The following SSH2 variants were observed in gnomAD, a reference collection of about 807,000 sequenced individuals.
SSH2 encodes the protein protein phosphatase Slingshot homolog 2.
SSH2 carries 37 observed loss-of-function variants against 135.2 expected under a neutral mutation model. That is an observed-to-expected ratio of 0.27 (90% CI 0.21 to 0.36). SSH2 has a LOEUF of 0.36. SSH2 is among the 10% of genes least tolerant of loss of function. SSH2 has a pLI of 1.00. For synonymous variants in SSH2, 628 were observed against 646.2 expected, an observed-to-expected ratio of 0.97 and a Z score of 0.43; for missense variants, 1,408 against 1,765.3, an observed-to-expected ratio of 0.80 and a Z score of 3.63.
chr17:29,870,093 A>G (rs896281849), intron 1 of SSH2, among the ~76,000 whole-genome samples: 4 of 152,030 alleles, frequency 2.6e-5, no homozygotes, highest in African/African-American at 9.7e-5. Context: ...CTAGGAATTG[A>G]TTATAATTAT....
intron 1 of SSH2, among the ~76,000 whole-genome samples, chr17:29,927,367 C>T (rs935407175): frequency 1.3e-5 from 2 of 152,160 alleles, no homozygotes; most frequent in Non-Finnish European, 2.9e-5. Flanking sequence ...ATTTCCTATA[C>T]ATCTTAGTAT....
At chr17:29,897,707 T>C (rs193030381) in intron 1 of SSH2, among the ~76,000 whole-genome samples, 1 of 152,000 alleles carries the variant, frequency 6.6e-6, no homozygotes, top group Non-Finnish European at 1.5e-5. Flanking sequence ...CTGTCAACAT[T>C]AGACAGATCA....
intron 2 of SSH2, among the ~76,000 whole-genome samples, chr17:29,841,676 A>C (rs2043043051): frequency 6.6e-6 from 1 of 152,166 alleles, no homozygotes; most frequent in African/African-American, 2.4e-5. Flanking sequence ...TTAGATTTCT[A>C]ATATGGAGGT....
intron 3 of SSH2, among the ~76,000 whole-genome samples, chr17:29,728,150 A>G (rs891919721): frequency 6.6e-6 from 1 of 152,232 alleles, no homozygotes; most frequent in African/African-American, 2.4e-5. Context: ...CTCACATTTG[A>G]AAAAAACCTA....
At chr17:29,857,775 C>A (rs2065689391) in intron 1 of SSH2, among the ~76,000 whole-genome samples, 1 of 152,242 alleles carries the variant, frequency 6.6e-6, no homozygotes, top group South Asian at 2.1e-4. Flanking sequence ...TCACACCCGG[C>A]CCCATCTTAA....
At chr17:29,761,350 T>C (rs2041294506) in intron 3 of SSH2, 9 of 1,077,334 alleles carry the variant, frequency 8.4e-6, no homozygotes, top group Non-Finnish European at 9.1e-6. Context: ...AGGCTGCGCG[T>C]GCACCCGGCG....
rs561748500 is a variant in SSH2, at chr17:29,693,085, G to A, written c.357+2374C>T. On this transcript the variant is annotated intron_variant, in intron 5 of 15. Transcript: ENST00000540801. ...AGCAATACTCCCACTGCAGCCTCCC[G>A]AGTAGCTGGCATGCCACTATGCCCA... Among the ~76,000 whole-genome samples the A allele has an allele frequency of 4.6e-5, 7 of 152,128 alleles. No individual in the cohort carries two copies. In the South Asian group the frequency reaches 1.0e-3, roughly 23 times the overall value.
At chr17:29,722,502 A>G (rs567800293) in intron 3 of SSH2, among the ~76,000 whole-genome samples, 1 of 152,306 alleles carries the variant, frequency 6.6e-6, no homozygotes, top group African/African-American at 2.4e-5. Flanking sequence ...ACCAAAAGAT[A>G]ATGCCAGGAG....
intron 2 of SSH2, among the ~76,000 whole-genome samples, chr17:29,835,837 A>G (rs934981003): frequency 1.3e-5 from 2 of 151,686 alleles, no homozygotes; most frequent in Non-Finnish European, 2.9e-5. Flanking sequence ...AAAATTAGCT[A>G]GGCGTGGTGG....
At chr17:29,695,420 C>T in intron 5 of SSH2, 39 bp downstream of exon 5, 1 of 1,576,348 alleles carries the variant, frequency 6.3e-7, no homozygotes, top group Non-Finnish European at 8.7e-7. Flanking sequence ...CTTAGATAGT[C>T]TTTTGAGGAA....
At chr17:29,640,401 C>T (rs534617378) in intron 14 of SSH2, among the ~76,000 whole-genome samples, 98 of 152,224 alleles carry the variant, frequency 6.4e-4, no homozygotes, top group African/African-American at 2.2e-3. Flanking sequence ...TTTTAAACTG[C>T]CTGCAGATCA....
At chr17:29,750,510 T>G (rs1363412891) in intron 3 of SSH2, among the ~76,000 whole-genome samples, 2 of 151,036 alleles carry the variant, frequency 1.3e-5, no homozygotes, top group Non-Finnish European at 3.0e-5. Flanking sequence ...TATACAAAAA[T>G]ATTTTCTTTA....
At chr17:29,800,862 C>CTT (rs917782999) in intron 2 of SSH2, among the ~76,000 whole-genome samples, 22 of 142,002 alleles carry the variant, frequency 1.5e-4, no homozygotes, top group African/African-American at 5.7e-4. Context: ...GTCTTTTTTT[C>CTT]TTTTTTTTTT....
intron 3 of SSH2, chr17:29,761,374 C>G (rs966940062): frequency 2.4e-5 from 26 of 1,065,076 alleles, no homozygotes; most frequent in Non-Finnish European, 2.9e-5. Flanking sequence ...GAGGCGGGCC[C>G]GCCGGGTCGC....
At chr17:29,892,639 A>G (rs2066371700) in intron 1 of SSH2, among the ~76,000 whole-genome samples, 2 of 152,210 alleles carry the variant, frequency 1.3e-5, no homozygotes, top group South Asian at 4.1e-4. Context: ...TTTTTTGTAA[A>G]TTAAAATAAA....
chr17:29,696,673 G>T (rs1193612993), intron 4 of SSH2, among the ~76,000 whole-genome samples: 1 of 88,892 alleles, frequency 1.1e-5, no homozygotes, highest in Non-Finnish European at 2.2e-5. Context: ...ATATACGTAC[G>T]TGTGTGTGTG....
chr17:29,655,748 T>C (rs903979906), intron 11 of SSH2, 141 bp from the exon 12 acceptor site: 11 of 663,844 alleles, frequency 1.7e-5, no homozygotes, highest in African/African-American at 1.1e-4. Flanking sequence ...GCACTTCATA[T>C]GTTATCACAT....
At chr17:29,822,674 CTT>C (rs2042674512) in intron 2 of SSH2, among the ~76,000 whole-genome samples, 1 of 152,140 alleles carries the variant, frequency 6.6e-6, no homozygotes, top group Non-Finnish European at 1.5e-5. Context: ...GCCAGGGACT[CTT>C]AAACTTTCCT....
intron 2 of SSH2, 150 bp from the exon 3 acceptor site, chr17:29,794,087 G>A: frequency 1.6e-6 from 1 of 619,886 alleles, no homozygotes; most frequent in Non-Finnish European, 2.8e-6. Flanking sequence ...CAAAAAAAGT[G>A]ACTTCAACCA....
Sources: allele counts gnomAD v4.1 joint callset (sites outside exome capture counted in the v4.1 genomes callset), GRCh38; gene constraint gnomAD v4.1.1; transcripts MANE v1.5; gene names NCBI Gene and HGNC (gene_info 2026-07-23, HGNC 2026-07-21).